The following PLIN2 variants were observed in gnomAD, a reference collection of about 807,000 sequenced individuals.
PLIN2 encodes the protein perilipin 2, also known as perilipin-2.
PLIN2 carries 33 observed loss-of-function variants against 30.6 expected under a neutral mutation model. The ratio of observed to expected loss-of-function variants is 1.08; its 90% CI spans 0.82 to 1.44. The LOEUF is 1.44. Ranked by LOEUF, PLIN2 falls within the 40% of genes most tolerant of loss-of-function variation. PLIN2 has a pLI of 0.00. For synonymous variants in PLIN2, 205 were observed against 201.1 expected, an observed-to-expected ratio of 1.02 and a Z score of -0.16; for missense variants, 610 against 531.8, an observed-to-expected ratio of 1.15 and a Z score of -1.45.
rs779658035 is a variant in PLIN2 at position 19,126,408 on chromosome 9, C to A, written c.19G>T (p.Asp7Tyr). Residue 7 changes from aspartate to tyrosine, a missense_variant, in exon 2 of 8, where the codon GAT (aspartate) becomes TAT (tyrosine). Coordinates refer to ENST00000276914, the MANE Select transcript of PLIN2 (RefSeq NM_001122.4). MASVAV[D>Y]PQPSVVTRVV... is the part of the protein sequence containing the mutation. Reference sequence around the variant, plus strand: ...CTCAAAATTCATACCGGTTGTGGATCAACTGCAACGGATGCCATTTTTCTT... The same window carrying A: ...CTCAAAATTCATACCGGTTGTGGATAAACTGCAACGGATGCCATTTTTCTT... 24 of 1,613,608 alleles carry A rather than the reference C, an allele frequency of 1.5e-5. No individual in the cohort carries two copies. The highest frequency in any genetic ancestry group is 1.8e-5 in the Non-Finnish European group (21 of 1,179,828).
intron 4 of PLIN2, 138 bp downstream of exon 4, chr9:19,123,427 T>G: frequency 6.4e-7 from 1 of 1,554,254 alleles, no homozygotes; most frequent in Non-Finnish European, 8.7e-7. Context: ...GAAGTGGCCA[T>G]TATTTTTCAA....
At chr9:19,126,768 G>C (rs1588649415) in intron 1 of PLIN2, among the ~76,000 whole-genome samples, 1 of 152,182 alleles carries the variant, frequency 6.6e-6, no homozygotes. Flanking sequence ...CAAGCCGGAC[G>C]CGGTGGCTCA....
intron 4 of PLIN2, chr9:19,123,100 A>C (rs1205709255): frequency 6.7e-6 from 3 of 448,202 alleles, no homozygotes; most frequent in African/African-American, 5.8e-5. Context: ...TCTTAATTTG[A>C]AACAAAATTT....
rs191849049 is a variant in PLIN2 at position 19,125,968 on chromosome 9, C to T, written c.226+146G>A. 275 of 591,308 alleles carry T rather than the reference C, an allele frequency of 4.7e-4. No individual in the cohort carries two copies. The East Asian group carries it at 7.2e-3, about 15-fold the overall frequency. 36.6% of individuals were successfully genotyped at this position (591,308 alleles called of 1,614,324 possible). A position where few individuals can be genotyped will look rare whatever the true frequency, so the allele number is the denominator to read the frequency against. On this transcript the variant is annotated intron_variant, in intron 3 of 7. Coordinates refer to ENST00000276914, the MANE Select transcript of PLIN2 (RefSeq NM_001122.4). ...GAAAAGAAAAGAAACAGTCCTCTTA[C>T]GGTAATGAGGGTCACCTGAAAGTTT...
At chr9:19,118,498 A>G in intron 6 of PLIN2, 43 bp from the exon 7 acceptor site, 1 of 1,584,724 alleles carries the variant, frequency 6.3e-7, no homozygotes, top group Non-Finnish European at 8.6e-7. Context: ...CAAGTCAGAT[A>G]TTCACGTTAG....
At chr9:19,121,266 G>T in intron 4 of PLIN2, 101 bp from the exon 5 acceptor site, 1 of 1,022,898 alleles carries the variant, frequency 9.8e-7, no homozygotes. Context: ...GTTAAAGAAG[G>T]AATCTAGTCC....
At position 19,121,022 on chromosome 9, in the gene PLIN2, C is replaced by T. The variant is rs1441808084; in HGVS notation, c.453G>A (p.Lys151=). ...TGCTGCCACTGACCACAGACTTGGT[C>T]TTCTCCACACTGCCAGTCACTGCCC... The part of the protein sequence containing the change: ...TKGAVTGSVE[K]TKSVVSGSIN... Residue 151 remains lysine, a synonymous_variant, in exon 5 of 8, where the codon AAG becomes AAA. Coordinates refer to ENST00000276914, the MANE Select transcript of PLIN2 (RefSeq NM_001122.4). 6.2e-7 allele frequency: 1 copy of T among 1,614,198 alleles called. No homozygotes were observed. The highest frequency in any genetic ancestry group is 1.1e-5 in the South Asian group (1 of 91,080).
At chr9:19,123,275 A>G (rs1818346560) in intron 4 of PLIN2, 2 of 1,276,284 alleles carry the variant, frequency 1.6e-6, no homozygotes, top group South Asian at 2.7e-5. Flanking sequence ...ACCACAAGAC[A>G]ATCAGTTACT....
chr9:19,122,723 A>G (rs1414549871), intron 4 of PLIN2, among the ~76,000 whole-genome samples: 1 of 152,128 alleles, frequency 6.6e-6, no homozygotes, highest in East Asian at 1.9e-4. Flanking sequence ...GCGGCATTAG[A>G]TTCTCATAGG....
downstream of PLIN2, among the ~76,000 whole-genome samples, chr9:19,114,240 C>A (rs1432444233): frequency 1.3e-5 from 2 of 151,756 alleles, no homozygotes; most frequent in Non-Finnish European, 2.9e-5. Context: ...TAAACTCACT[C>A]ACACCAAAGG....
At position 19,116,632 on chromosome 9, in the gene PLIN2, A is replaced by C; in HGVS notation, c.930T>G (p.Thr310=). The C allele has an allele frequency of 6.2e-7, 1 of 1,612,094 alleles. No homozygotes were observed. The highest frequency in any genetic ancestry group is 8.5e-7 in the Non-Finnish European group (1 of 1,178,288). The change falls in exon 8 of 8, where the codon ACT becomes ACG. Residue 310 remains threonine (T), a synonymous_variant. Coordinates refer to ENST00000276914, the MANE Select transcript of PLIN2 (RefSeq NM_001122.4). The part of the protein sequence containing the change: ...SHCAEHIESR[T]LAIARNLTQQ... ...GAGTCAGGTTGCGGGCAATTGCAAG[A>C]GTACGTGACTCAATGTGCTAAAAAT...
intron 4 of PLIN2, 30 bp downstream of exon 4, chr9:19,123,535 C>G (rs1277976411): frequency 6.2e-7 from 1 of 1,614,070 alleles, no homozygotes; most frequent in Non-Finnish European, 8.5e-7. Context: ...TGTGAAGTGT[C>G]AAGTCTCAGC....
chr9:19,115,533 T>A (rs1818208110), downstream of PLIN2, among the ~76,000 whole-genome samples: 1 of 152,020 alleles, frequency 6.6e-6, no homozygotes, highest in African/African-American at 2.4e-5. Flanking sequence ...GGTCTCGATC[T>A]CCTGACCTCG....
intron 5 of PLIN2, among the ~76,000 whole-genome samples, chr9:19,120,250 C>T (rs1334302104): frequency 1.3e-5 from 2 of 151,790 alleles, no homozygotes; most frequent in Admixed American, 6.6e-5. Context: ...AGGGTTTCGC[C>T]ATGTTGCCCA....
downstream of PLIN2, among the ~76,000 whole-genome samples, chr9:19,113,010 CTT>C (rs1818177160): frequency 6.6e-6 from 1 of 151,196 alleles, no homozygotes; most frequent in Non-Finnish European, 1.5e-5. Flanking sequence ...CACTATAACT[CTT>C]ATAATAGGGA....
Position 19,126,294 on chromosome 9 carries a change from C to T in PLIN2, c.46G>A (p.Val16Met). 1 of 1,613,894 alleles carries T rather than the reference C, an allele frequency of 6.2e-7. No individual in the cohort carries two copies. Among genetic ancestry groups the T allele is most frequent in the Non-Finnish European group, 8.5e-7 (1 of 1,179,858 alleles). ...GAGCTCACCAAGGGCAGGTTGACCA[C>T]CCGAGTCACCACACTCTGCAATCAA... ...VDPQPSVVTR[V>M]VNLPLVSSTY... The change falls in exon 3 of 8, where the codon GTG (valine) becomes ATG (methionine). Residue 16 changes from valine to methionine, a missense_variant. Physicochemically the swap from Val to Met is conservative, Grantham distance 21. Transcript: ENST00000276914.
intron 7 of PLIN2, among the ~76,000 whole-genome samples, chr9:19,117,996 C>A (rs1486703402): frequency 6.6e-6 from 1 of 152,212 alleles, no homozygotes; most frequent in East Asian, 1.9e-4. Flanking sequence ...TAGCCCTCTT[C>A]TGCAAGGAGC....
At chr9:19,119,576 G>T in intron 6 of PLIN2, 74 bp downstream of exon 6, 1 of 868,926 alleles carries the variant, frequency 1.2e-6, no homozygotes, top group Non-Finnish European at 1.7e-6. Context: ...CTTGGATTTT[G>T]TGATTACATT....
chr9:19,109,699 G>T (rs1479350110), intron 2 of PLIN2, among the ~76,000 whole-genome samples: 3 of 152,062 alleles, frequency 2.0e-5, no homozygotes, highest in Non-Finnish European at 4.4e-5. Context: ...CAGGTGCGGT[G>T]GCTCACGCCT....
Sources: allele counts gnomAD v4.1 joint callset (sites outside exome capture counted in the v4.1 genomes callset), GRCh38; gene constraint gnomAD v4.1.1; transcripts MANE v1.5; gene names NCBI Gene and HGNC (gene_info 2026-07-23, HGNC 2026-07-21).